Variants in SND1 observed in about 807,000 individuals in gnomAD.
SND1 encodes the protein staphylococcal nuclease domain-containing protein 1.
A neutral mutation model predicts 121.7 loss-of-function variants in SND1; 38 were observed. The observed-to-expected ratio is 0.31, with a 90% CI of 0.24 to 0.41. The LOEUF is 0.41. Ranked by LOEUF, SND1 falls within the 10% of genes least tolerant of loss-of-function variation. The pLI, the probability that SND1 is intolerant of heterozygous loss-of-function variation, is 1.00. For missense variants in SND1, 868 were observed against 1,184.6 expected, an observed-to-expected ratio of 0.73 and a Z score of 3.92; for synonymous variants, 401 against 447.4, an observed-to-expected ratio of 0.90 and a Z score of 1.31.
intron 14 of SND1, among the ~76,000 whole-genome samples, chr7:127,921,377 T>C (rs534527958): frequency 6.6e-6 from 1 of 152,304 alleles, no homozygotes; most frequent in South Asian, 2.1e-4. Flanking sequence ...ATTTTTTAAG[T>C]ATTTTAATAC....
intron 15 of SND1, among the ~76,000 whole-genome samples, chr7:127,948,486 A>G (rs1448408768): frequency 1.3e-5 from 2 of 152,248 alleles, no homozygotes; most frequent in Non-Finnish European, 2.9e-5. Context: ...AGGAGATGAC[A>G]GCTTAGAAGA....
intron 3 of SND1, among the ~76,000 whole-genome samples, chr7:127,695,406 A>C (rs1333848847): frequency 6.6e-6 from 1 of 152,104 alleles, no homozygotes; most frequent in Admixed American, 6.5e-5. Context: ...TTTTAATGGA[A>C]TGGAAGGAGC....
At chr7:128,010,245 G>A (rs942697579) in intron 16 of SND1, among the ~76,000 whole-genome samples, 1 of 152,210 alleles carries the variant, frequency 6.6e-6, no homozygotes, top group African/African-American at 2.4e-5. Context: ...ACACAGTATA[G>A]TGGAACAAAG....
chr7:127,685,682 T>C (rs926862338), intron 1 of SND1, among the ~76,000 whole-genome samples: 2 of 152,200 alleles, frequency 1.3e-5, no homozygotes, highest in Non-Finnish European at 2.9e-5. Context: ...ATTAGAGAGA[T>C]GAAAGGAGCC....
rs114410938 is a variant in SND1 at position 127,761,760 on chromosome 7, T to A, written c.1152+40360T>A. Among the ~76,000 whole-genome samples the A allele has an allele frequency of 7.9e-3, 1,206 of 152,348 alleles. 18 individuals are homozygous for A. The highest frequency in any genetic ancestry group is 0.027 in the African/African-American group (1,127 of 41,582). The stretch of plus-strand genomic sequence containing the variant: ...CTCTGCCAAAAGCAGTTTCTCTTAT[T>A]TGCTCATAGCCCTTGATTTTTAAAG... On this transcript the variant is annotated intron_variant, in intron 10 of 23. Transcript: ENST00000354725.
chr7:127,899,023 C>T (rs550327399), intron 13 of SND1, among the ~76,000 whole-genome samples: 4 of 152,142 alleles, frequency 2.6e-5, no homozygotes, highest in South Asian at 2.1e-4. Flanking sequence ...TTCACTGTTC[C>T]GCATTAATCA....
intron 15 of SND1, among the ~76,000 whole-genome samples, chr7:127,988,871 A>G (rs61247633): frequency 1.0e-3 from 156 of 152,334 alleles, no homozygotes; most frequent in African/African-American, 3.0e-3. Context: ...AAACAAACTG[A>G]ACACTTGTTT....
intron 17 of SND1, among the ~76,000 whole-genome samples, chr7:128,079,068 G>A (rs892554589): frequency 6.6e-6 from 1 of 152,250 alleles, no homozygotes; most frequent in South Asian, 2.1e-4. Flanking sequence ...CGTCTCTGAG[G>A]CCGAGTGAGT....
Position 127,652,397 on chromosome 7 carries a change from C to A in SND1, c.24C>A (p.Gly8=). MASSAQS[G]GSSGGPAVPT... is the part of the protein sequence containing the mutation. ...ACATGGCGTCCTCCGCGCAGAGCGGCGGCTCCTCCGGGGGACCCGCGGTCC... is the reference window on the plus strand; with the variant it reads ...ACATGGCGTCCTCCGCGCAGAGCGGAGGCTCCTCCGGGGGACCCGCGGTCC... The change falls in exon 1 of 24, where the codon GGC becomes GGA. Residue 8 remains glycine, a synonymous_variant. Coordinates refer to ENST00000354725, the MANE Select transcript of SND1 (RefSeq NM_014390.4). 6.3e-7 allele frequency: 1 copy of A among 1,598,364 alleles called. No individual in the cohort carries two copies. The highest frequency in any genetic ancestry group is 1.7e-5 in the Admixed American group (1 of 57,346).
At chr7:127,861,042 G>T (rs1177242036) in intron 12 of SND1, among the ~76,000 whole-genome samples, 1 of 152,156 alleles carries the variant, frequency 6.6e-6, no homozygotes, top group Non-Finnish European at 1.5e-5. Flanking sequence ...GAGAAGATTG[G>T]CTGTTTTATG....
At chr7:127,864,015 T>C (rs1035850677) in intron 12 of SND1, among the ~76,000 whole-genome samples, 2 of 152,194 alleles carry the variant, frequency 1.3e-5, no homozygotes, top group African/African-American at 4.8e-5. Flanking sequence ...ATTGATGGTG[T>C]ATACTCTGGT....
At chr7:127,956,259 G>A (rs975341873) in intron 15 of SND1, among the ~76,000 whole-genome samples, 4 of 152,050 alleles carry the variant, frequency 2.6e-5, no homozygotes, top group Non-Finnish European at 4.4e-5. Flanking sequence ...CTCTGCTCCC[G>A]CCTCCTTGCT....
Position 128,085,191 on chromosome 7 carries a change from A to C in SND1, c.2234+344A>C, listed in dbSNP as rs55726025. Among the ~76,000 whole-genome samples, 20 of 152,044 alleles carry C rather than the reference A, an allele frequency of 1.3e-4. No homozygotes were observed. The highest frequency in any genetic ancestry group is 1.3e-3 in the Admixed American group (20 of 15,278). On this transcript the variant is annotated intron_variant, in intron 19 of 23. Transcript: ENST00000354725. This position sits in a 1 kb window ranked among gnomAD's most constrained non-coding sequence, Gnocchi z 4.4. ...ATGATGTTACAGGGGGCTGAGGTAG[A>C]GGCTGGGCTACAGTAAGCCTAAACC...
chr7:127,654,288 GT>G (rs1050697918), intron 1 of SND1, among the ~76,000 whole-genome samples: 7 of 152,286 alleles, frequency 4.6e-5, no homozygotes, highest in African/African-American at 1.7e-4. Context: ...TGTCTCATTT[GT>G]AATACCTAAC....
chr7:127,652,207 T>C lies in SND1; in HGVS notation c.-167T>C. The C allele has an allele frequency of 5.9e-6, 4 of 676,026 alleles. No homozygotes were observed. The highest frequency in any genetic ancestry group is 1.1e-5 in the Non-Finnish European group (4 of 369,586). 41.9% of individuals were successfully genotyped at this position (676,026 alleles called of 1,614,324 possible). On this transcript the variant is annotated 5_prime_UTR_variant, in exon 1 of 24. Transcript: ENST00000354725. ...CGGAGATCGCGTCTCTTTCGCTCCG[T>C]GTCCCGCTGCTGCTCCTGTGAGCGC... is the stretch of plus-strand genomic sequence containing the variant.
At chr7:127,946,520 G>T (rs531667776) in intron 15 of SND1, among the ~76,000 whole-genome samples, 1 of 152,314 alleles carries the variant, frequency 6.6e-6, no homozygotes, top group East Asian at 1.9e-4. Flanking sequence ...ATCCACCAAG[G>T]AATCCTCTTT....
chr7:128,019,931 C>T (rs1803308670), intron 16 of SND1, among the ~76,000 whole-genome samples: 2 of 152,098 alleles, frequency 1.3e-5, no homozygotes, highest in South Asian at 4.1e-4. Flanking sequence ...CTAGGAAGGC[C>T]AGGGAGGTAG....
At chr7:127,803,857 T>C (rs1798180523) in intron 10 of SND1, among the ~76,000 whole-genome samples, 1 of 152,164 alleles carries the variant, frequency 6.6e-6, no homozygotes, top group African/African-American at 2.4e-5. Flanking sequence ...TGATGAGAGG[T>C]ACAGATGACT....
chr7:128,029,463 C>G lies in SND1; in HGVS notation c.1779+38407C>G. ...GATCCTTGGGTGGCGGGAGGCGTGG[C>G]TGAGCACTGTCCCATTGGGCAGCAA... On this transcript the variant is annotated intron_variant, in intron 16 of 23. Coordinates refer to ENST00000354725, the MANE Select transcript of SND1 (RefSeq NM_014390.4). This position sits in a 1 kb window ranked among gnomAD's most constrained non-coding sequence, Gnocchi z 4.2. 2 of 1,614,192 alleles carry G rather than the reference C, an allele frequency of 1.2e-6. No individual in the cohort carries two copies. Among genetic ancestry groups the G allele is most frequent in the Non-Finnish European group, 1.7e-6 (2 of 1,180,034 alleles).
Sources: gnomAD v4.1 joint callset for allele counts (sites outside exome capture counted in the v4.1 genomes callset) on GRCh38, gnomAD v4.1.1 for gene constraint, Gnocchi (gnomAD v3.1) non-coding constraint, MANE v1.5 for transcripts, NCBI Gene and HGNC (gene_info 2026-07-23, HGNC 2026-07-21) for gene names.